ATXN7L3B: variants seen among roughly 807,000 people sequenced by gnomAD.
The protein encoded by ATXN7L3B is ataxin 7 like 3B.
A neutral mutation model predicts 6.3 loss-of-function variants in ATXN7L3B; 4 were observed. That is an observed-to-expected ratio of 0.63 (90% CI 0.31 to 1.45). ATXN7L3B has a LOEUF of 1.45. ATXN7L3B is among the 40% of genes most tolerant of loss of function. The probability of loss-of-function intolerance (pLI) is 0.07; values close to 1 mark genes in which losing one functional copy is unlikely to be tolerated. For synonymous variants in ATXN7L3B, 63 were observed against 48.0 expected (o/e 1.31, Z -1.29); for missense variants, 120 against 118.5 (o/e 1.01, Z -0.06).
rs1338389406 is a variant in ATXN7L3B at position 74,544,052 on chromosome 12, A to G, written c.*5646A>G. 1 of 152,058 alleles carries G rather than the reference A, an allele frequency of 6.6e-6. No individual in the cohort carries two copies. Among genetic ancestry groups the G allele is most frequent in the East Asian group, 1.9e-4 (1 of 5,202 alleles). The allele number at this position is 152,058 out of a possible 1,614,324, so 9.4% of individuals were successfully genotyped here. A position where few individuals can be genotyped will look rare whatever the true frequency, so the allele number is the denominator to read the frequency against. On this transcript the variant is annotated 3_prime_UTR_variant, in exon 1 of 1. Transcript: ENST00000519948. ...ACATGGATAATTTTATAGAATCTACAAACATACCATTGAAAGTAGTGAGAA... is the reference window on the plus strand; with the variant it reads ...ACATGGATAATTTTATAGAATCTACGAACATACCATTGAAAGTAGTGAGAA...
Position 74,542,758 on chromosome 12 carries a change from A to G in ATXN7L3B, c.*4352A>G, listed in dbSNP as rs1424298065. On this transcript the variant is annotated 3_prime_UTR_variant, in exon 1 of 1. Transcript: ENST00000519948. The stretch of plus-strand genomic sequence containing the variant: ...GAAGAACTTTCTTGTGCACACATTA[A>G]TAAGTAACATTGCCTTCTCTTAAGA... The G allele has an allele frequency of 2.0e-5, 3 of 152,320 alleles. No individual in the cohort carries two copies. Among genetic ancestry groups the G allele is most frequent in the East Asian group, 3.9e-4 (2 of 5,188 alleles). The allele number at this position is 152,320 out of a possible 1,614,324, so 9.4% of individuals were successfully genotyped here. A position where few individuals can be genotyped will look rare whatever the true frequency, so the allele number is the denominator to read the frequency against.
Position 74,538,785 on chromosome 12 carries a change from T to C in ATXN7L3B, c.*379T>C, listed in dbSNP as rs625531. The C allele has an allele frequency of 1, 230,672 of 231,270 alleles. 115,043 individuals are homozygous for C. The highest frequency in any genetic ancestry group is 1 in the Middle Eastern group (494 of 494). 14.3% of individuals were successfully genotyped at this position (231,270 alleles called of 1,614,324 possible). On this transcript the variant is annotated 3_prime_UTR_variant, in exon 1 of 1. Transcript: ENST00000519948. ...CTGTCTGCCTGATGTCAAGGGCTTCTTGGACAGTTTGGACGTTACAGTTCG... is the reference window on the plus strand; with the variant it reads ...CTGTCTGCCTGATGTCAAGGGCTTCCTGGACAGTTTGGACGTTACAGTTCG...
chr12:74,538,581 G>A lies in ATXN7L3B; in HGVS notation c.*175G>A. The stretch of plus-strand genomic sequence containing the variant: ...ATAATTTAGGAATCCTTTTTTTAAA[G>A]TGTATTACCTGGAGCAAGCTCTGAA... On this transcript the variant is annotated 3_prime_UTR_variant, in exon 1 of 1. Coordinates refer to ENST00000519948, the MANE Select transcript of ATXN7L3B (RefSeq NM_001136262.2). 2 of 676,292 alleles carry A rather than the reference G, an allele frequency of 3.0e-6. No homozygotes were observed. Among genetic ancestry groups the A allele is most frequent in the African/African-American group, 1.8e-5 (1 of 55,138 alleles). 41.9% of individuals were successfully genotyped at this position (676,292 alleles called of 1,614,324 possible). A position where few individuals can be genotyped will look rare whatever the true frequency, so the allele number is the denominator to read the frequency against.
Position 74,540,701 on chromosome 12 carries a change from C to T in ATXN7L3B, c.*2295C>T, listed in dbSNP as rs1364009541. 3 of 166,996 alleles carry T rather than the reference C, an allele frequency of 1.8e-5. No homozygotes were observed. Among genetic ancestry groups the T allele is most frequent in the Non-Finnish European group, 4.4e-5 (3 of 68,096 alleles). 10.3% of individuals were successfully genotyped at this position (166,996 alleles called of 1,614,324 possible). ...TCTAAGTGAGACTCTGGCCTACTTC[C>T]TAACAATGTCTTGGAAGTGGGATGA... On this transcript the variant is annotated 3_prime_UTR_variant, in exon 1 of 1. Coordinates refer to ENST00000519948, the MANE Select transcript of ATXN7L3B (RefSeq NM_001136262.2).
rs961112684 is a variant in ATXN7L3B, at chr12:74,545,106, T to G, written c.*6700T>G. 4.6e-5 allele frequency: 7 copies of G among 152,112 alleles called. No individual in the cohort carries two copies. Among genetic ancestry groups the G allele is most frequent in the Non-Finnish European group, 1.0e-4 (7 of 67,932 alleles). The allele number at this position is 152,112 out of a possible 1,614,324, so 9.4% of individuals were successfully genotyped here. A position where few individuals can be genotyped will look rare whatever the true frequency, so the allele number is the denominator to read the frequency against. On this transcript the variant is annotated 3_prime_UTR_variant, in exon 1 of 1. Transcript: ENST00000519948. The stretch of plus-strand genomic sequence containing the variant: ...GCAATTAAAACACTTAAACTGCTAG[T>G]AGGCTGTAAATTGGTAAAAAATGTT...
At position 74,543,062 on chromosome 12, in the gene ATXN7L3B, A is replaced by C. The variant is rs1868937145; in HGVS notation, c.*4656A>C. 1 of 152,128 alleles carries C rather than the reference A, an allele frequency of 6.6e-6. No homozygotes were observed. The highest frequency in any genetic ancestry group is 6.5e-5 in the Admixed American group (1 of 15,270). 9.4% of individuals were successfully genotyped at this position (152,128 alleles called of 1,614,324 possible). On this transcript the variant is annotated 3_prime_UTR_variant, in exon 1 of 1. Transcript: ENST00000519948. ...AGCATTAGAAGTGATGTTCCTATTC[A>C]AAAAGGTTTTGTGGATAAACCTTAA...
rs1868799015 is a variant in ATXN7L3B, at chr12:74,538,789, A to G, written c.*383A>G. 1 of 226,190 alleles carries G rather than the reference A, an allele frequency of 4.4e-6. No homozygotes were observed. The highest frequency in any genetic ancestry group is 9.7e-6 in the Non-Finnish European group (1 of 103,148). The allele number at this position is 226,190 out of a possible 1,614,324, so 14.0% of individuals were successfully genotyped here. ...CTGCCTGATGTCAAGGGCTTCTTGG[A>G]CAGTTTGGACGTTACAGTTCGTCAG... is the stretch of plus-strand genomic sequence containing the variant. On this transcript the variant is annotated 3_prime_UTR_variant, in exon 1 of 1. Coordinates refer to ENST00000519948, the MANE Select transcript of ATXN7L3B (RefSeq NM_001136262.2).
In ATXN7L3B at chr12:74,538,080, G is replaced by T; in HGVS notation, c.-33G>T. ...GACGTGTTGCTGCCGTGAGTAAAAC[G>T]AGCGCCCTCTCCGCACTCGTTTACA... is the stretch of plus-strand genomic sequence containing the variant. On this transcript the variant is annotated 5_prime_UTR_variant, in exon 1 of 1. Coordinates refer to ENST00000519948, the MANE Select transcript of ATXN7L3B (RefSeq NM_001136262.2). 6.5e-7 allele frequency: 1 copy of T among 1,542,276 alleles called. No individual in the cohort carries two copies. The highest frequency in any genetic ancestry group is 1.2e-5 in the South Asian group (1 of 83,142).
In ATXN7L3B at chr12:74,544,324, G is replaced by C. The variant is rs2136591435; in HGVS notation, c.*5918G>C. ...TCAATATCATTGCTCCAAATTATGT[G>C]AATCGGAAGCAATCTGTATTACAAT... On this transcript the variant is annotated 3_prime_UTR_variant, in exon 1 of 1. Coordinates refer to ENST00000519948, the MANE Select transcript of ATXN7L3B (RefSeq NM_001136262.2). The C allele has an allele frequency of 6.6e-6, 1 of 151,822 alleles. No homozygotes were observed. The highest frequency in any genetic ancestry group is 1.9e-4 in the East Asian group (1 of 5,170). 9.4% of individuals were successfully genotyped at this position (151,822 alleles called of 1,614,324 possible).
At position 74,538,379 on chromosome 12, in the gene ATXN7L3B, G is replaced by C. The variant is rs590352; in HGVS notation, c.267G>C (p.Leu89=). 0.76 allele frequency: 1,171,297 copies of C among 1,551,332 alleles called. 452,393 individuals are homozygous for C. Among genetic ancestry groups the C allele is most frequent in the East Asian group, 0.93 (37,849 of 40,898 alleles). Residue 89 remains leucine (L), a synonymous_variant, in exon 1 of 1, where the codon CTG becomes CTC. Coordinates refer to ENST00000519948, the MANE Select transcript of ATXN7L3B (RefSeq NM_001136262.2). ...GEPGNGPDQQ[L]QRSPPEFQ ...CTGGGAATGGGCCTGATCAGCAGCT[G>C]CAGCGCTCACCTCCGGAATTCCAGT...
chr12:74,538,264 C>G lies in ATXN7L3B; in HGVS notation c.152C>G (p.Ala51Gly). Reference sequence around the variant, plus strand: ...TGTGGCTACTTCTACCTGGAGTTCGCAGAGACTGGTAGCGTGAAGGATTTT... The same window carrying G: ...TGTGGCTACTTCTACCTGGAGTTCGGAGAGACTGGTAGCGTGAAGGATTTT... ...VKCGYFYLEF[A>G]ETGSVKDFGI... The change falls in exon 1 of 1, where the codon GCA (alanine) becomes GGA (glycine). Residue 51 changes from alanine to glycine, a missense_variant. Coordinates refer to ENST00000519948, the MANE Select transcript of ATXN7L3B (RefSeq NM_001136262.2). 6.3e-7 allele frequency: 1 copy of G among 1,584,070 alleles called. No individual in the cohort carries two copies. The highest frequency in any genetic ancestry group is 8.6e-7 in the Non-Finnish European group (1 of 1,165,044).
Position 74,538,495 on chromosome 12 carries a change from A to G in ATXN7L3B, c.*89A>G. ...AGTAAGCTAAGTAGAAAAAAGTAGA[A>G]AAATCAGACAAAAGTTTTAATTCCC... On this transcript the variant is annotated 3_prime_UTR_variant, in exon 1 of 1. Transcript: ENST00000519948. The G allele has an allele frequency of 8.2e-7, 1 of 1,221,364 alleles. No individual in the cohort carries two copies. Among genetic ancestry groups the G allele is most frequent in the Middle Eastern group, 2.8e-4 (1 of 3,568 alleles). 75.7% of individuals were successfully genotyped at this position (1,221,364 alleles called of 1,614,324 possible). A position where few individuals can be genotyped will look rare whatever the true frequency, so the allele number is the denominator to read the frequency against.
chr12:74,538,036 G>C lies in ATXN7L3B; in HGVS notation c.-77G>C. On this transcript the variant is annotated 5_prime_UTR_variant, in exon 1 of 1. Coordinates refer to ENST00000519948, the MANE Select transcript of ATXN7L3B (RefSeq NM_001136262.2). ...GGGCACTGAAAGGCCTCTAGGCCTA[G>C]GCGCGGCCCGCGGAGCCAGACGTGT... 2.1e-6 allele frequency: 3 copies of C among 1,457,956 alleles called. No homozygotes were observed. Among genetic ancestry groups the C allele is most frequent in the Non-Finnish European group, 2.8e-6 (3 of 1,078,954 alleles). The allele number at this position is 1,457,956 out of a possible 1,614,324, so 90.3% of individuals were successfully genotyped here.
chr12:74,541,716 C>A lies in ATXN7L3B; in HGVS notation c.*3310C>A, dbSNP rs1868903747. The A allele has an allele frequency of 6.6e-6, 1 of 152,182 alleles. No homozygotes were observed. The highest frequency in any genetic ancestry group is 1.5e-5 in the Non-Finnish European group (1 of 68,034). 9.4% of individuals were successfully genotyped at this position (152,182 alleles called of 1,614,324 possible). A position where few individuals can be genotyped will look rare whatever the true frequency, so the allele number is the denominator to read the frequency against. ...AAGAAGGTGGTAAGATAAATCCAGT[C>A]CTGTCACTAAAAGCCCACTGTGACA... On this transcript the variant is annotated 3_prime_UTR_variant, in exon 1 of 1. Transcript: ENST00000519948.
rs953804995 is a variant in ATXN7L3B, at chr12:74,545,263, A to T, written c.*6857A>T. On this transcript the variant is annotated 3_prime_UTR_variant, in exon 1 of 1. Coordinates refer to ENST00000519948, the MANE Select transcript of ATXN7L3B (RefSeq NM_001136262.2). ...TAATATACCCATTTGGAATACATAT[A>T]GTCACTATACTGAAGTGAGAATAAA... The T allele has an allele frequency of 1.3e-5, 2 of 152,170 alleles. No individual in the cohort carries two copies. The highest frequency in any genetic ancestry group is 4.8e-5 in the African/African-American group (2 of 41,472). 9.4% of individuals were successfully genotyped at this position (152,170 alleles called of 1,614,324 possible).
At position 74,538,446 on chromosome 12, in the gene ATXN7L3B, TAG is replaced by T; in HGVS notation, c.*42_*43del. 2 of 1,519,952 alleles carry T rather than the reference TAG, an allele frequency of 1.3e-6. No individual in the cohort carries two copies. Among genetic ancestry groups the T allele is most frequent in the Non-Finnish European group, 1.8e-6 (2 of 1,126,208 alleles). The allele number at this position is 1,519,952 out of a possible 1,614,324, so 94.2% of individuals were successfully genotyped here. ...TCTGAAAGTGGCCAGGACAATAACA[TAG>T]ACTGGTCCTGTGGCTTCGAGGAGTA... On this transcript the variant is annotated 3_prime_UTR_variant, in exon 1 of 1. Coordinates refer to ENST00000519948, the MANE Select transcript of ATXN7L3B (RefSeq NM_001136262.2).
At position 74,538,506 on chromosome 12, in the gene ATXN7L3B, A is replaced by T; in HGVS notation, c.*100A>T. 8.8e-7 allele frequency: 1 copy of T among 1,137,650 alleles called. No homozygotes were observed. The highest frequency in any genetic ancestry group is 2.6e-5 in the East Asian group (1 of 38,580). The allele number at this position is 1,137,650 out of a possible 1,614,324, so 70.5% of individuals were successfully genotyped here. On this transcript the variant is annotated 3_prime_UTR_variant, in exon 1 of 1. Transcript: ENST00000519948. ...TAGAAAAAAGTAGAAAAATCAGACA[A>T]AAGTTTTAATTCCCCCTTGAAGATC...
rs1868782281 is a variant in ATXN7L3B at position 74,538,471 on chromosome 12, G to A, written c.*65G>A. ...TAGACTGGTCCTGTGGCTTCGAGGA[G>A]TAAGCTAAGTAGAAAAAAGTAGAAA... is the stretch of plus-strand genomic sequence containing the variant. On this transcript the variant is annotated 3_prime_UTR_variant, in exon 1 of 1. Transcript: ENST00000519948. 2 of 1,383,332 alleles carry A rather than the reference G, an allele frequency of 1.4e-6. No homozygotes were observed. The highest frequency in any genetic ancestry group is 2.7e-5 in the Admixed American group (1 of 36,760). The allele number at this position is 1,383,332 out of a possible 1,614,324, so 85.7% of individuals were successfully genotyped here.
At position 74,538,067 on chromosome 12, in the gene ATXN7L3B, C is replaced by G. The variant is rs1309882126; in HGVS notation, c.-46C>G. The G allele has an allele frequency of 1.3e-6, 2 of 1,530,354 alleles. No individual in the cohort carries two copies. Among genetic ancestry groups the G allele is most frequent in the Admixed American group, 4.0e-5 (2 of 50,196 alleles). 94.8% of individuals were successfully genotyped at this position (1,530,354 alleles called of 1,614,324 possible). ...GCCCGCGGAGCCAGACGTGTTGCTGCCGTGAGTAAAACGAGCGCCCTCTCC... is the reference window on the plus strand; with the variant it reads ...GCCCGCGGAGCCAGACGTGTTGCTGGCGTGAGTAAAACGAGCGCCCTCTCC... On this transcript the variant is annotated 5_prime_UTR_variant, in exon 1 of 1. Transcript: ENST00000519948.
Sources: allele counts gnomAD v4.1 joint callset, GRCh38; gene constraint gnomAD v4.1.1; transcripts MANE v1.5; gene names NCBI Gene and HGNC (gene_info 2026-07-23, HGNC 2026-07-21).